SCARB2: variants seen among roughly 807,000 people sequenced by gnomAD.
SCARB2 encodes the protein scavenger receptor class B member 2, also known as lysosome membrane protein 2.
A neutral mutation model predicts 58.6 loss-of-function variants in SCARB2; 29 were observed. The ratio of observed to expected loss-of-function variants is 0.49; its 90% confidence interval spans 0.37 to 0.67. The LOEUF is 0.67. SCARB2 is among the 30% of genes least tolerant of loss of function. The pLI is 0.00. For missense variants in SCARB2, 488 were observed against 578.5 expected (o/e 0.84, Z 1.60); for synonymous variants, 195 against 210.1 (o/e 0.93, Z 0.62).
chr4:76,210,081 A>G (rs562623235), intron 1 of SCARB2, among the ~76,000 whole-genome samples: 1 of 152,366 alleles, frequency 6.6e-6, no homozygotes, highest in East Asian at 1.9e-4. Context: ...AATAAGTTTC[A>G]ATTCACAGAT....
chr4:76,181,191 C>A, intron 2 of SCARB2, 90 bp from the exon 3 acceptor site: 4 of 1,260,218 alleles, frequency 3.2e-6, no homozygotes, highest in Non-Finnish European at 4.6e-6. Flanking sequence ...GTTATATTTT[C>A]AATATAACAT....
At position 76,203,297 on chromosome 4, in the gene SCARB2, G is replaced by T. The variant is rs28533350; in HGVS notation, c.118-7433C>A. ...GCCCAAATCAGTGAATAATTTCTTA[G>T]AATAGACTCCTAGATTGGGATTATT... On this transcript the variant is annotated intron_variant, in intron 1 of 11. Transcript: ENST00000264896. Among the ~76,000 whole-genome samples, 1,111 of 152,254 alleles carry T rather than the reference G, an allele frequency of 7.3e-3. 13 individuals carry two copies. The highest frequency in any genetic ancestry group is 0.025 in the African/African-American group (1,054 of 41,532).
chr4:76,219,076 C>G (rs761049786), intron 1 of SCARB2, among the ~76,000 whole-genome samples: 2 of 152,206 alleles, frequency 1.3e-5, no homozygotes, highest in Non-Finnish European at 2.9e-5. Flanking sequence ...TAGCCAGGCT[C>G]TTAACCCCTT....
At chr4:76,233,802 G>A (rs1024143593) in intron 1 of SCARB2, among the ~76,000 whole-genome samples, 18 of 152,234 alleles carry the variant, frequency 1.2e-4, no homozygotes, top group Non-Finnish European at 2.9e-5. Context: ...TGTAAAACCA[G>A]ATGAAGGCTT....
chr4:76,198,437 T>C (rs758141599), intron 1 of SCARB2, among the ~76,000 whole-genome samples: 5 of 152,250 alleles, frequency 3.3e-5, no homozygotes, highest in African/African-American at 4.8e-5. Flanking sequence ...CTGACATGCG[T>C]AAACAGTGTG....
rs1346666685 is a variant in SCARB2 at position 76,159,581 on chromosome 4, G to C, written c.*2132C>G. 6.6e-6 allele frequency: 1 copy of C among 152,302 alleles called. No individual in the cohort carries two copies. Among genetic ancestry groups the C allele is most frequent in the African/African-American group, 2.4e-5 (1 of 41,432 alleles). 9.4% of individuals were successfully genotyped at this position (152,302 alleles called of 1,614,324 possible). On this transcript the variant is annotated 3_prime_UTR_variant, in exon 12 of 12. Coordinates refer to ENST00000264896, the MANE Select transcript of SCARB2 (RefSeq NM_005506.4). ...CACTAAAAATACAAAATTTAGCTGG[G>C]CGTGGTGGCACGCACCTGTAGTCCC... is the stretch of plus-strand genomic sequence containing the variant.
upstream of SCARB2, chr4:76,213,906 AGGCGGGCGGG>A: frequency 6.1e-6 from 1 of 165,150 alleles, no homozygotes; most frequent in Non-Finnish European, 1.3e-5. Context: ...CTGCGCGGGG[AGGCGGGCGGG>A]GGCGGAGGCC....
Position 76,176,313 on chromosome 4 carries a change from A to G in SCARB2, c.704+124T>C, listed in dbSNP as rs1732250514. The G allele has an allele frequency of 1.6e-5, 11 of 669,646 alleles. No individual in the cohort carries two copies. In the East Asian group the frequency reaches 2.7e-4, roughly 16 times the overall value. 41.5% of individuals were successfully genotyped at this position (669,646 alleles called of 1,614,324 possible). A position where few individuals can be genotyped will look rare whatever the true frequency, so the allele number is the denominator to read the frequency against. ...TTTGTAGAATAATAATTACAAGACT[A>G]TTTACATGTTTTTATATTTTTCATC... On this transcript the variant is annotated intron_variant, in intron 5 of 11. Transcript: ENST00000264896.
intron 2 of SCARB2, among the ~76,000 whole-genome samples, chr4:76,181,579 T>G (rs1732386540): frequency 6.6e-6 from 1 of 152,190 alleles, no homozygotes; most frequent in East Asian, 1.9e-4. Context: ...CTGTTTCTTT[T>G]TTTGAGATAG....
At chr4:76,166,443 G>C in intron 9 of SCARB2, 142 bp from the exon 10 acceptor site, 1 of 840,690 alleles carries the variant, frequency 1.2e-6, no homozygotes. Flanking sequence ...AGTTATCTTT[G>C]CAAACATGTA....
At chr4:76,203,768 G>T (rs1732875901) in intron 1 of SCARB2, among the ~76,000 whole-genome samples, 1 of 152,284 alleles carries the variant, frequency 6.6e-6, no homozygotes, top group South Asian at 2.1e-4. Flanking sequence ...ACTTAATACA[G>T]CCACAACCCA....
chr4:76,178,104 A>C (rs1459810579), intron 4 of SCARB2, among the ~76,000 whole-genome samples: 1 of 152,226 alleles, frequency 6.6e-6, no homozygotes, highest in Non-Finnish European at 1.5e-5. Context: ...GAATAGCTAC[A>C]CTGGAAGAAG....
Position 76,161,153 on chromosome 4 carries a change from T to C in SCARB2, c.*560A>G, listed in dbSNP as rs1731889508. 1 of 157,442 alleles carries C rather than the reference T, an allele frequency of 6.4e-6. No homozygotes were observed. The highest frequency in any genetic ancestry group is 1.4e-5 in the Non-Finnish European group (1 of 70,930). 9.8% of individuals were successfully genotyped at this position (157,442 alleles called of 1,614,324 possible). A position where few individuals can be genotyped will look rare whatever the true frequency, so the allele number is the denominator to read the frequency against. On this transcript the variant is annotated 3_prime_UTR_variant, in exon 12 of 12. Coordinates refer to ENST00000264896, the MANE Select transcript of SCARB2 (RefSeq NM_005506.4). ...GGAAGACTGAGTTTTCCTGGAAGAA[T>C]TATGAACTGAAGATCAGCATAAAAT...
In SCARB2 at chr4:76,169,978, G is replaced by A; in HGVS notation, c.1002C>T (p.Pro334=). 6.2e-7 allele frequency: 1 copy of A among 1,611,880 alleles called. No homozygotes were observed. The highest frequency in any genetic ancestry group is 1.3e-5 in the African/African-American group (1 of 74,900). Residue 334 remains proline (P), a synonymous_variant, in exon 8 of 12, where the codon CCC becomes CCT. Coordinates refer to ENST00000264896, the MANE Select transcript of SCARB2 (RefSeq NM_005506.4). The part of the protein sequence containing the change: ...LNVSICKNGA[P]IIMSFPHFYQ... The stretch of plus-strand genomic sequence containing the variant: ...AAAAGTGTGGGAAAGACATAATGAT[G>A]GGTGCACCTGCATTTGAAGGAAAAC...
At chr4:76,200,386 C>G (rs2109964491) in intron 1 of SCARB2, among the ~76,000 whole-genome samples, 1 of 152,366 alleles carries the variant, frequency 6.6e-6, no homozygotes, top group South Asian at 2.1e-4. Flanking sequence ...ACGCACAATA[C>G]TGTGGCACTA....
At chr4:76,218,644 A>G (rs1356628056), upstream of SCARB2, among the ~76,000 whole-genome samples, 1 of 152,180 alleles carries the variant, frequency 6.6e-6, no homozygotes, top group Non-Finnish European at 1.5e-5. Context: ...CCCTCTTCAA[A>G]TTCTTATTTT....
upstream of SCARB2, among the ~76,000 whole-genome samples, chr4:76,216,868 A>T (rs548529413): frequency 6.6e-6 from 1 of 152,364 alleles, no homozygotes; most frequent in South Asian, 2.1e-4. Context: ...AGCTTTTAAG[A>T]AAATAATGTA....
rs72857097 is a variant in SCARB2 at position 76,213,496 on chromosome 4, C to G, written c.48G>C (p.Leu16=). 8.3e-3 allele frequency: 13,436 copies of G among 1,611,326 alleles called. 951 individuals are homozygous for G. The African/African-American group carries it at 0.16, about 19-fold the overall frequency. ...FYTAGTLSLL[L]LVTSVTLLVA... is the part of the protein sequence containing the mutation. The stretch of plus-strand genomic sequence containing the variant: ...CCAGCAGCGTGACGCTGGTCACCAG[C>G]AGGAGCAGGGACAACGTCCCCGCCG... The change falls in exon 1 of 12, where the codon CTG becomes CTC. Residue 16 remains leucine (L), a synonymous_variant. Coordinates refer to ENST00000264896, the MANE Select transcript of SCARB2 (RefSeq NM_005506.4).
intron 7 of SCARB2, chr4:76,173,474 G>A (rs1021308799): frequency 1.3e-5 from 2 of 154,412 alleles, no homozygotes; most frequent in South Asian, 2.0e-4. Flanking sequence ...GTAACTACAG[G>A]TGTGTGCCGC....
Sources: gnomAD v4.1 joint callset for allele counts (sites outside exome capture counted in the v4.1 genomes callset) on GRCh38, gnomAD v4.1.1 for gene constraint, MANE v1.5 for transcripts, NCBI Gene and HGNC (gene_info 2026-07-23, HGNC 2026-07-21) for gene names.